SQSTM1: variants seen among roughly 807,000 people sequenced by gnomAD.
SQSTM1 encodes sequestosome-1.
SQSTM1 carries 36 observed loss-of-function variants against 45.1 expected under a neutral mutation model. The ratio of observed to expected loss-of-function variants is 0.80; its 90% CI spans 0.61 to 1.05. The LOEUF is 1.05. Ranked by LOEUF, SQSTM1 falls within the 50% of genes least tolerant of loss-of-function variation. The pLI, the probability that SQSTM1 is intolerant of heterozygous loss-of-function variation, is 0.00. For missense variants in SQSTM1, 617 were observed against 607.1 expected, an observed-to-expected ratio of 1.02 and a Z score of -0.17; for synonymous variants, 290 against 244.3, an observed-to-expected ratio of 1.19 and a Z score of -1.74.
In SQSTM1 at chr5:179,832,122, G is replaced by A. The variant is rs558272981; in HGVS notation, c.755-910G>A. Reference sequence around the variant, plus strand: ...TTAACAAAAAATTGCGTCTTGGAAAGGGTAGTGGAAGGAGAGGCAGGTACT... The same window carrying A: ...TTAACAAAAAATTGCGTCTTGGAAAAGGTAGTGGAAGGAGAGGCAGGTACT... On this transcript the variant is annotated intron_variant, in intron 5 of 7. Transcript: ENST00000389805. 8.6e-4 allele frequency among the ~76,000 whole-genome samples: 131 copies of A among 152,302 alleles called. 1 individual carries two copies. Among genetic ancestry groups the A allele is most frequent in the Non-Finnish European group, 1.5e-3 (103 of 68,032 alleles).
At chr5:179,830,442 TG>T in intron 5 of SQSTM1, among the ~76,000 whole-genome samples, 1 of 152,282 alleles carries the variant, frequency 6.6e-6, no homozygotes, top group East Asian at 1.9e-4. Context: ...TCATCTGGGC[TG>T]GAGAGCAGTG....
At chr5:179,831,790 CT>C (rs34594760) in intron 5 of SQSTM1, among the ~76,000 whole-genome samples, 37 of 147,632 alleles carry the variant, frequency 2.5e-4, no homozygotes, top group African/African-American at 2.2e-4. Flanking sequence ...ATTGAATGTT[CT>C]TTTTTTTTTT....
chr5:179,819,308 C>T (rs1053328056), upstream of SQSTM1, among the ~76,000 whole-genome samples: 1 of 149,162 alleles, frequency 6.7e-6, no homozygotes, highest in African/African-American at 2.5e-5. Context: ...CTCTTCTGTG[C>T]TTCCTTCTCC....
chr5:179,828,367 A>ATAT (rs1758082914), intron 5 of SQSTM1, among the ~76,000 whole-genome samples: 1 of 94,662 alleles, frequency 1.1e-5, no homozygotes, highest in Non-Finnish European at 2.3e-5. Flanking sequence ...TTTTTTTCTT[A>ATAT]TCTTTTTTTT....
At chr5:179,826,328 CTAAGT>C (rs771369894) in intron 5 of SQSTM1, among the ~76,000 whole-genome samples, 17 of 152,124 alleles carry the variant, frequency 1.1e-4, no homozygotes, top group Non-Finnish European at 1.8e-4. Context: ...CCACGCCCAG[CTAAGT>C]TTTGTATTTT....
intron 5 of SQSTM1, among the ~76,000 whole-genome samples, chr5:179,830,592 G>T (rs1179384918): frequency 6.6e-6 from 1 of 150,598 alleles, no homozygotes; most frequent in Non-Finnish European, 1.5e-5. Flanking sequence ...TCAGAGTCTC[G>T]CTGTCGCCCA....
chr5:179,826,976 C>T (rs1017717688), intron 5 of SQSTM1, among the ~76,000 whole-genome samples: 1 of 152,180 alleles, frequency 6.6e-6, no homozygotes, highest in Non-Finnish European at 1.5e-5. Context: ...CTGCCACTCA[C>T]TCTGGACGTA....
At chr5:179,830,523 A>G (rs1342017436) in intron 5 of SQSTM1, among the ~76,000 whole-genome samples, 1 of 151,690 alleles carries the variant, frequency 6.6e-6, no homozygotes, top group Non-Finnish European at 1.5e-5. Flanking sequence ...CTGGGACTAC[A>G]GGCATGTGCC....
intron 5 of SQSTM1, among the ~76,000 whole-genome samples, chr5:179,827,750 G>A (rs1265925204): frequency 6.6e-6 from 1 of 151,360 alleles, no homozygotes; most frequent in Non-Finnish European, 1.5e-5. Context: ...GACTGTTGTG[G>A]AAGTTAGGGC....
In SQSTM1 at chr5:179,830,108, C is replaced by A. The variant is rs575387463; in HGVS notation, c.755-2924C>A. On this transcript the variant is annotated intron_variant, in intron 5 of 7. Transcript: ENST00000389805. ...TGGGAGACAGAAACAGACCTTGTCT[C>A]AAACAAAACAAAACAAAACAAAACA... 3.3e-4 allele frequency among the ~76,000 whole-genome samples: 48 copies of A among 145,538 alleles called. 1 individual carries two copies. In the South Asian group the frequency reaches 3.7e-3, roughly 11 times the overall value.
intron 2 of SQSTM1, 105 bp from the exon 3 acceptor site, chr5:179,823,753 G>C (rs1757878732): frequency 7.9e-7 from 1 of 1,267,448 alleles, no homozygotes. Context: ...CCATGCTGGA[G>C]AGCAGGGCCG....
chr5:179,819,928 C>T (rs1435439958), upstream of SQSTM1, among the ~76,000 whole-genome samples: 2 of 152,208 alleles, frequency 1.3e-5, no homozygotes, highest in African/African-American at 4.8e-5. Context: ...TTCTCCAGCT[C>T]CTGCAAGCCC....
chr5:179,823,215 C>T (rs1232639929), intron 2 of SQSTM1, among the ~76,000 whole-genome samples, 162 bp downstream of exon 2: 1 of 151,926 alleles, frequency 6.6e-6, no homozygotes, highest in African/African-American at 2.4e-5. Flanking sequence ...CCTGTAATTC[C>T]AGCACTTTGG....
Position 179,833,018 on chromosome 5 carries a change from TC to T in SQSTM1, c.755-12del. On this transcript the variant is annotated splice_polypyrimidine_tract_variant and intron_variant, in intron 5 of 7. Transcript: ENST00000389805. ...GGGAACTTCACGGCTTGCTCTTTCCTCCTCCGCCTCTAGGCATTGAAGTTGA... is the reference window on the plus strand; with the variant it reads ...GGGAACTTCACGGCTTGCTCTTTCCTCTCCGCCTCTAGGCATTGAAGTTGA... 1 of 1,614,014 alleles carries T rather than the reference TC, an allele frequency of 6.2e-7. No individual in the cohort carries two copies. Among genetic ancestry groups the T allele is most frequent in the Non-Finnish European group, 8.5e-7 (1 of 1,179,946 alleles).
intron 5 of SQSTM1, among the ~76,000 whole-genome samples, chr5:179,831,311 C>T (rs530074946): frequency 6.6e-6 from 1 of 152,160 alleles, no homozygotes; most frequent in Non-Finnish European, 1.5e-5. Flanking sequence ...ATCCACTTCA[C>T]CCTTGTAGAA....
intron 2 of SQSTM1, chr5:179,812,023 C>T (rs1310393111): frequency 6.6e-6 from 1 of 152,204 alleles, no homozygotes; most frequent in South Asian, 2.1e-4. Context: ...CCAGGATGGT[C>T]TCGATCTCCT....
At chr5:179,820,058 G>C (rs1432858986), upstream of SQSTM1, 1 of 152,788 alleles carries the variant, frequency 6.5e-6, no homozygotes, top group Non-Finnish European at 1.5e-5. Flanking sequence ...CAGTTCTGGC[G>C]GACAGGTTAC....
At chr5:179,811,792 C>G (rs1373275114) in intron 2 of SQSTM1, 1 of 152,122 alleles carries the variant, frequency 6.6e-6, no homozygotes, top group African/African-American at 2.4e-5. Context: ...CCCTTGGTCT[C>G]CGTGGCCTTT....
intron 5 of SQSTM1, among the ~76,000 whole-genome samples, chr5:179,828,352 CCTTTTTTTTTTCTTAT>C (rs1376296794): frequency 6.7e-6 from 1 of 148,834 alleles, no homozygotes; most frequent in East Asian, 1.9e-4. Context: ...TTTGTTTCAA[CCTTTTTTTTTTCTTAT>C]CTTTTTTTTT....
Sources: allele counts gnomAD v4.1 joint callset (sites outside exome capture counted in the v4.1 genomes callset), GRCh38; gene constraint gnomAD v4.1.1; transcripts MANE v1.5; gene names NCBI Gene and HGNC (gene_info 2026-07-23, HGNC 2026-07-21).